Variants in SLC39A10 observed in about 807,000 individuals in gnomAD.
SLC39A10 encodes zinc transporter ZIP10.
SLC39A10 carries 13 observed loss-of-function variants against 65.1 expected under a neutral mutation model. That is an observed-to-expected ratio of 0.20 (90% CI 0.13 to 0.32). The LOEUF is 0.32. Among genes scored for constraint, SLC39A10 ranks in the 10% least tolerant of loss-of-function variants. SLC39A10 has a pLI of 1.00. For synonymous variants in SLC39A10, 321 were observed against 342.2 expected (o/e 0.94, Z 0.68); for missense variants, 831 against 1,018.4 (o/e 0.82, Z 2.50).
At chr2:195,689,622 T>C (rs534958764) in intron 3 of SLC39A10, among the ~76,000 whole-genome samples, 2 of 152,288 alleles carry the variant, frequency 1.3e-5, no homozygotes, top group Admixed American at 1.3e-4. Context: ...ATTAAATACA[T>C]TCATAATGTT....
chr2:195,675,519 TG>T (rs1309713375), intron 1 of SLC39A10, among the ~76,000 whole-genome samples: 2 of 152,258 alleles, frequency 1.3e-5, no homozygotes, highest in African/African-American at 4.8e-5. Flanking sequence ...CACTGCAAGC[TG>T]CGCTTCCCGG....
intron 2 of SLC39A10, among the ~76,000 whole-genome samples, chr2:195,620,170 C>A (rs1181028051): frequency 6.6e-6 from 1 of 152,086 alleles, no homozygotes; most frequent in Non-Finnish European, 1.5e-5. Context: ...GTGATCCCCC[C>A]GCCTTGGCCT....
At chr2:195,707,630 GC>G (rs1411014846) in intron 4 of SLC39A10, among the ~76,000 whole-genome samples, 3 of 151,514 alleles carry the variant, frequency 2.0e-5, no homozygotes, top group African/African-American at 7.3e-5. Context: ...GAATCTTAAG[GC>G]TGTGAATATG....
intron 1 of SLC39A10, among the ~76,000 whole-genome samples, chr2:195,678,106 T>C (rs772065403): frequency 1.1e-4 from 16 of 152,202 alleles, no homozygotes; most frequent in Non-Finnish European, 2.2e-4. Context: ...TTGGTATTCA[T>C]GTACATGGAT....
chr2:195,645,679 C>A (rs1044470859), intron 2 of SLC39A10, among the ~76,000 whole-genome samples: 2 of 152,128 alleles, frequency 1.3e-5, no homozygotes, highest in African/African-American at 4.8e-5. Context: ...GAAGTGAAAT[C>A]ATATAATGTC....
chr2:195,631,553 G>A (rs1688586159), intron 2 of SLC39A10, among the ~76,000 whole-genome samples: 1 of 152,048 alleles, frequency 6.6e-6, no homozygotes, highest in Admixed American at 6.6e-5. Flanking sequence ...TTGTGATCAA[G>A]AATATTGACC....
At chr2:195,651,491 T>C (rs867393182) in intron 2 of SLC39A10, among the ~76,000 whole-genome samples, 1 of 152,186 alleles carries the variant, frequency 6.6e-6, no homozygotes, top group Non-Finnish European at 1.5e-5. Flanking sequence ...CTCTTTTTTT[T>C]TGAGACAGAG....
intron 2 of SLC39A10, among the ~76,000 whole-genome samples, chr2:195,682,704 AC>A (rs1690371445): frequency 6.6e-6 from 1 of 152,078 alleles, no homozygotes; most frequent in Non-Finnish European, 1.5e-5. Context: ...GCATTATTAG[AC>A]TTGTTAATGC....
chr2:195,702,245 C>T (rs1027696968), intron 3 of SLC39A10, among the ~76,000 whole-genome samples: 13 of 152,214 alleles, frequency 8.5e-5, no homozygotes, highest in Middle Eastern at 3.4e-3. Context: ...TGATCAGAAT[C>T]AGTGATCAGA....
chr2:195,717,074 G>A, intron 7 of SLC39A10, 69 bp downstream of exon 7: 2 of 1,534,438 alleles, frequency 1.3e-6, no homozygotes, highest in Non-Finnish European at 1.8e-6. Flanking sequence ...AAATTTGGCT[G>A]GAGCTTAACA....
At chr2:195,659,831 G>T (rs908120983) in intron 1 of SLC39A10, among the ~76,000 whole-genome samples, 2 of 152,054 alleles carry the variant, frequency 1.3e-5, no homozygotes, top group African/African-American at 4.8e-5. Flanking sequence ...TTCATTAGTG[G>T]TTGAAGGTCT....
At chr2:195,644,275 T>C (rs1688865658) in intron 2 of SLC39A10, among the ~76,000 whole-genome samples, 1 of 151,834 alleles carries the variant, frequency 6.6e-6, no homozygotes, top group Non-Finnish European at 1.5e-5. Context: ...AGTGGGAGGA[T>C]TGCTTGAGCT....
chr2:195,712,055 C>G (rs1035702816), intron 5 of SLC39A10, among the ~76,000 whole-genome samples: 2 of 152,092 alleles, frequency 1.3e-5, no homozygotes, highest in Non-Finnish European at 2.9e-5. Flanking sequence ...TTGCCATTTG[C>G]TAGAGTCTTT....
At chr2:195,617,524 TG>T in intron 2 of SLC39A10, among the ~76,000 whole-genome samples, 1 of 151,972 alleles carries the variant, frequency 6.6e-6, no homozygotes, top group African/African-American at 2.4e-5. Flanking sequence ...ATTGTGCCAC[TG>T]TACTCCAGCC....
In SLC39A10 at chr2:195,617,801, A is replaced by G. The variant is rs577249444; in HGVS notation, c.-12+11568A>G. On this transcript the variant is annotated intron_variant, in intron 2 of 2. Coordinates refer to the SLC39A10 transcript ENST00000458054. ...GTCTACCAGGCTGGAGTGCAGTGGCACAATCTCGGCGGACTGCAAGCTCTG... is the reference window on the plus strand; with the variant it reads ...GTCTACCAGGCTGGAGTGCAGTGGCGCAATCTCGGCGGACTGCAAGCTCTG... 1.5e-4 allele frequency among the ~76,000 whole-genome samples: 22 copies of G among 150,656 alleles called. No homozygotes were observed. In the East Asian group the frequency reaches 3.7e-3, roughly 25 times the overall value.
intron 2 of SLC39A10, among the ~76,000 whole-genome samples, chr2:195,641,859 T>C (rs1249180418): frequency 6.6e-6 from 1 of 152,000 alleles, no homozygotes; most frequent in African/African-American, 2.4e-5. Flanking sequence ...ACCTGGCTAA[T>C]GTTTTTATTT....
At position 195,713,561 on chromosome 2, in the gene SLC39A10, G is replaced by A; in HGVS notation, c.1696+8G>A. 1 of 1,542,554 alleles carries A rather than the reference G, an allele frequency of 6.5e-7. No homozygotes were observed. Among genetic ancestry groups the A allele is most frequent in the Admixed American group, 2.5e-5 (1 of 40,036 alleles). On this transcript the variant is annotated splice_region_variant and intron_variant, in intron 6 of 9. Coordinates refer to ENST00000359634, the MANE Select transcript of SLC39A10 (RefSeq NM_020342.3). ...AACTCAAGCCTCTTGCCGGTAGACA[G>A]CAATTCTGACTCAAGACAAACTTTT...
chr2:195,625,246 G>GAAAGAAAGAAAGAA (rs1688446919), intron 2 of SLC39A10, among the ~76,000 whole-genome samples: 1 of 148,034 alleles, frequency 6.8e-6, no homozygotes, highest in Non-Finnish European at 1.5e-5. Flanking sequence ...AAGAAAGAAA[G>GAAAGAAAGAAAGAA]ATTTAAAACT....
chr2:195,690,631 G>T (rs1394166725), intron 3 of SLC39A10, among the ~76,000 whole-genome samples: 3 of 152,104 alleles, frequency 2.0e-5, no homozygotes, highest in African/African-American at 7.2e-5. Flanking sequence ...GTGCTGTTGA[G>T]CATCTTTTCA....
Sources: allele counts gnomAD v4.1 joint callset (sites outside exome capture counted in the v4.1 genomes callset), GRCh38; gene constraint gnomAD v4.1.1; transcripts MANE v1.5; gene names NCBI Gene and HGNC (gene_info 2026-07-23, HGNC 2026-07-21).